Variants in UCP1 observed in about 807,000 individuals in gnomAD.
UCP1 encodes mitochondrial brown fat uncoupling protein 1.
UCP1 carries 24 observed loss-of-function variants against 26.2 expected under a neutral mutation model. The ratio of observed to expected loss-of-function variants is 0.92; its 90% CI spans 0.66 to 1.29. The LOEUF (loss-of-function observed/expected upper bound fraction) is 1.29. Among genes scored for constraint, UCP1 ranks in the 50% most tolerant of loss-of-function variants. UCP1 has a pLI of 0.00. For synonymous variants in UCP1, 164 were observed against 156.8 expected, an observed-to-expected ratio of 1.05 and a Z score of -0.34; for missense variants, 402 against 388.7, an observed-to-expected ratio of 1.03 and a Z score of -0.29.
chr4:140,559,751 C>A lies in UCP1; in HGVS notation c.*145G>T. On this transcript the variant is annotated 3_prime_UTR_variant, in exon 6 of 6. Coordinates refer to ENST00000262999, the MANE Select transcript of UCP1 (RefSeq NM_021833.5). The stretch of plus-strand genomic sequence containing the variant: ...TTATATGAAATAGGCATTAATTTTC[C>A]TCTTTTTTATATAAAAAAGTCCAAA... 1 of 740,608 alleles carries A rather than the reference C, an allele frequency of 1.4e-6. No individual in the cohort carries two copies. The allele number at this position is 740,608 out of a possible 1,614,324, so 45.9% of individuals were successfully genotyped here.
chr4:140,568,148 T>TGTGTGTGTGTGA (rs1300741720), intron 1 of UCP1, among the ~76,000 whole-genome samples, 171 bp from the exon 2 acceptor site: 4 of 138,416 alleles, frequency 2.9e-5, no homozygotes, highest in African/African-American at 1.2e-4. Context: ...TGTGTGTGTG[T>TGTGTGTGTGTGA]GTGTGTGTTC....
intron 2 of UCP1, among the ~76,000 whole-genome samples, chr4:140,564,945 A>G (rs1735765082): frequency 1.3e-5 from 2 of 152,138 alleles, no homozygotes; most frequent in Admixed American, 6.5e-5. Context: ...CCCCTACAAT[A>G]TAGCTTATAC....
At position 140,559,852 on chromosome 4, in the gene UCP1, A is replaced by T; in HGVS notation, c.*44T>A. Reference sequence around the variant, plus strand: ...TTTTGTTTGTTTTTATGATCCAGTCAGCAAGATTCCCACTGGTATGTTACA... The same window carrying T: ...TTTTGTTTGTTTTTATGATCCAGTCTGCAAGATTCCCACTGGTATGTTACA... On this transcript the variant is annotated 3_prime_UTR_variant, in exon 6 of 6. Coordinates refer to ENST00000262999, the MANE Select transcript of UCP1 (RefSeq NM_021833.5). 1 of 1,464,492 alleles carries T rather than the reference A, an allele frequency of 6.8e-7. No individual in the cohort carries two copies. Among genetic ancestry groups the T allele is most frequent in the Middle Eastern group, 1.7e-4 (1 of 5,796 alleles). 90.7% of individuals were successfully genotyped at this position (1,464,492 alleles called of 1,614,324 possible). A position where few individuals can be genotyped will look rare whatever the true frequency, so the allele number is the denominator to read the frequency against.
At chr4:140,561,814 A>T (rs1297550917) in intron 5 of UCP1, among the ~76,000 whole-genome samples, 2 of 152,194 alleles carry the variant, frequency 1.3e-5, no homozygotes, top group Non-Finnish European at 2.9e-5. Flanking sequence ...TACAATGTTA[A>T]AACTTGAGTC....
chr4:140,567,770 A>C lies in UCP1; in HGVS notation c.325+9T>G. 6.2e-7 allele frequency: 1 copy of C among 1,613,750 alleles called. No individual in the cohort carries two copies. The highest frequency in any genetic ancestry group is 8.5e-7 in the Non-Finnish European group (1 of 1,179,908). On this transcript the variant is annotated intron_variant, in intron 2 of 5. Transcript: ENST00000262999. ...TTTTCTGCCCCTCCCAGGAACGCTC[A>C]CGGCTTACTTTCTTTCCCTGCGGTG...
rs1053079737 is a variant in UCP1 at position 140,562,339 on chromosome 4, G to C, written c.663C>G (p.Ile221Met). 6.2e-7 allele frequency: 1 copy of C among 1,614,054 alleles called. No individual in the cohort carries two copies. ...DVPCHLVSALIAGFCATAMSS... is the reference protein window; with the variant it reads ...DVPCHLVSALMAGFCATAMSS... ...ACATAGCTGTTGCGCAAAATCCAGCGATAAGAGCCGACACCAAGTGGCAGG... is the reference window on the plus strand; with the variant it reads ...ACATAGCTGTTGCGCAAAATCCAGCCATAAGAGCCGACACCAAGTGGCAGG... The change falls in exon 5 of 6, where the codon ATC becomes ATG. Residue 221 changes from isoleucine (I) to methionine (M), a missense_variant. Transcript: ENST00000262999.
At chr4:140,568,565 T>C (rs776624659) in intron 1 of UCP1, 39 bp downstream of exon 1, 2 of 1,613,082 alleles carry the variant, frequency 1.2e-6, no homozygotes, top group African/African-American at 1.3e-5. Flanking sequence ...GCGTCCCCTC[T>C]GTCCTGAGAC....
At chr4:140,566,720 T>A (rs1357230925) in intron 2 of UCP1, among the ~76,000 whole-genome samples, 1 of 152,248 alleles carries the variant, frequency 6.6e-6, no homozygotes, top group Non-Finnish European at 1.5e-5. Flanking sequence ...CATCAGCACA[T>A]CTTCTCTCTG....
chr4:140,563,612 T>TA lies in UCP1; in HGVS notation c.326-95_326-94insT, dbSNP rs1735737453. On this transcript the variant is annotated intron_variant, in intron 2 of 5. Transcript: ENST00000262999. ...ATTTTCAGTGGTTCATATTTTTGTATTTTTTTTTTTTTTGAGATGGAGTCT... is the reference window on the plus strand; with the variant it reads ...ATTTTCAGTGGTTCATATTTTTGTATATTTTTTTTTTTTTGAGATGGAGTCT... 63 of 279,548 alleles carry TA rather than the reference T, an allele frequency of 2.3e-4. No individual in the cohort carries two copies. The South Asian group carries it at 3.9e-3, about 17-fold the overall frequency. 17.3% of individuals were successfully genotyped at this position (279,548 alleles called of 1,614,324 possible).
At chr4:140,563,077 C>T (rs1483205077) in intron 4 of UCP1, 33 bp downstream of exon 4, 1 of 1,545,178 alleles carries the variant, frequency 6.5e-7, no homozygotes. Flanking sequence ...TCTAAAGGTG[C>T]AGACCTGTTT....
chr4:140,563,408 G>C lies in UCP1; in HGVS notation c.436C>G (p.His146Asp). The C allele has an allele frequency of 6.2e-7, 1 of 1,614,054 alleles. No homozygotes were observed. Among genetic ancestry groups the C allele is most frequent in the Non-Finnish European group, 8.5e-7 (1 of 1,180,002 alleles). ...TAGCGAGGTTTGATTCCGTGGAGAT[G>C]GCTCTGTGCTTGAAGTCTGACTTTC... ...VVKVRLQAQS[H>D]LHGIKPRYTG... The change falls in exon 3 of 6, where the codon CAT (histidine) becomes GAT (aspartate). Residue 146 changes from histidine (H) to aspartate (D), a missense_variant. Transcript: ENST00000262999.
intron 1 of UCP1, 78 bp from the exon 2 acceptor site, chr4:140,568,055 T>C: frequency 6.6e-7 from 1 of 1,504,492 alleles, no homozygotes; most frequent in Non-Finnish European, 9.2e-7. Context: ...CCTGTGTTCC[T>C]ATTTTCCGTT....
In UCP1 at chr4:140,568,801, G is replaced by T. The variant is rs1227042903; in HGVS notation, c.-72C>A. ...AAGGTGGAGGAAGTTCCTTTCCCTTGCTCTTCACGCCTGTCCGCCGGGCAG... is the reference window on the plus strand; with the variant it reads ...AAGGTGGAGGAAGTTCCTTTCCCTTTCTCTTCACGCCTGTCCGCCGGGCAG... On this transcript the variant is annotated 5_prime_UTR_variant, in exon 1 of 6. Coordinates refer to ENST00000262999, the MANE Select transcript of UCP1 (RefSeq NM_021833.5). 3 of 1,536,016 alleles carry T rather than the reference G, an allele frequency of 2.0e-6. No homozygotes were observed. Among genetic ancestry groups the T allele is most frequent in the East Asian group, 4.9e-5 (2 of 41,034 alleles).
intron 1 of UCP1, 100 bp downstream of exon 1, chr4:140,568,504 C>G: frequency 6.4e-7 from 1 of 1,570,124 alleles, no homozygotes; most frequent in South Asian, 1.2e-5. Flanking sequence ...CCTACCCTAC[C>G]TAGAAACAGT....
At chr4:140,568,466 G>C in intron 1 of UCP1, 138 bp downstream of exon 1, 1 of 1,433,516 alleles carries the variant, frequency 7.0e-7, no homozygotes, top group Non-Finnish European at 9.5e-7. Context: ...CCAGCCCTGG[G>C]ACAAGGCCAG....
chr4:140,566,537 G>T (rs1022483603), intron 2 of UCP1, among the ~76,000 whole-genome samples: 8 of 152,158 alleles, frequency 5.3e-5, no homozygotes, highest in Non-Finnish European at 7.3e-5. Flanking sequence ...TTTTGATCTA[G>T]TAACATCCAG....
In UCP1 at chr4:140,562,393, C is replaced by T. The variant is rs758177151; in HGVS notation, c.629-20G>A. ...CGTCATCTAAAATGGATCGATGAAACAGGTCAACATCAGACTTTTGGGGGC... is the reference window on the plus strand; with the variant it reads ...CGTCATCTAAAATGGATCGATGAAATAGGTCAACATCAGACTTTTGGGGGC... On this transcript the variant is annotated intron_variant, in intron 4 of 5. Transcript: ENST00000262999. 1.5e-5 allele frequency: 25 copies of T among 1,613,258 alleles called. No individual in the cohort carries two copies. The highest frequency in any genetic ancestry group is 9.9e-5 in the South Asian group (9 of 91,018).
chr4:140,564,559 A>T (rs1735756236), intron 2 of UCP1, among the ~76,000 whole-genome samples: 1 of 152,228 alleles, frequency 6.6e-6, no homozygotes, highest in African/African-American at 2.4e-5. Context: ...GAGTTAAATA[A>T]TATTGATAAA....
At chr4:140,565,622 C>G (rs752879099) in intron 2 of UCP1, among the ~76,000 whole-genome samples, 1 of 152,190 alleles carries the variant, frequency 6.6e-6, no homozygotes, top group Non-Finnish European at 1.5e-5. Context: ...CCTCCTTCCT[C>G]ACCAACATGT....
Sources: allele counts gnomAD v4.1 joint callset (sites outside exome capture counted in the v4.1 genomes callset), GRCh38; gene constraint gnomAD v4.1.1; transcripts MANE v1.5; gene names NCBI Gene and HGNC (gene_info 2026-07-23, HGNC 2026-07-21).